ST3GAL4: variants seen among roughly 807,000 people sequenced by gnomAD.
ST3GAL4 encodes the protein ST3 beta-galactoside alpha-2,3-sialyltransferase 4, also known as CMP-N-acetylneuraminate-beta-galactosamide-alpha-2,3-sialyltransferase 4.
A neutral mutation model predicts 42.6 loss-of-function variants in ST3GAL4; 24 were observed. The ratio of observed to expected loss-of-function variants is 0.56; its 90% confidence interval spans 0.41 to 0.79. The LOEUF (loss-of-function observed/expected upper bound fraction) is 0.79. ST3GAL4 is among the 30% of genes least tolerant of loss of function. The pLI, the probability that ST3GAL4 is intolerant of heterozygous loss-of-function variation, is 0.00. For missense variants in ST3GAL4, 311 were observed against 430.8 expected (o/e 0.72, Z 2.46); for synonymous variants, 135 against 163.2 (o/e 0.83, Z 1.32).
intron 1 of ST3GAL4, chr11:126,405,812 G>C (rs1263770352): frequency 4.4e-6 from 2 of 453,572 alleles, no homozygotes; most frequent in African/African-American, 2.0e-5. Flanking sequence ...AACCACACCA[G>C]AGAGGCTGGA....
Position 126,409,383 on chromosome 11 carries a change from C to A in ST3GAL4, c.743C>A (p.Pro248Gln), listed in dbSNP as rs770982195. The change falls in exon 9 of 11, where the codon CCA becomes CAA. Residue 248 changes from proline (P) to glutamine (Q), a missense_variant. Transcript: ENST00000444328. This position sits in a 1 kb window ranked among gnomAD's most constrained non-coding sequence, Gnocchi z 4.9. Reference sequence around the variant, plus strand: ...GCAGCTGACAAACTGCTGAGCCTGCCAATGCAACAGCCACGGAAGATTAAG... The same window carrying A: ...GCAGCTGACAAACTGCTGAGCCTGCAAATGCAACAGCCACGGAAGATTAAG... ...EIAADKLLSL[P>Q]MQQPRKIKQK... is the part of the protein sequence containing the mutation. The A allele has an allele frequency of 1.9e-6, 3 of 1,614,220 alleles. No individual in the cohort carries two copies. In the South Asian group the frequency reaches 3.3e-5, roughly 18 times the overall value.
rs1272455159 is a variant in ST3GAL4 at position 126,373,672 on chromosome 11, G to GT, written c.-61+17830_-61+17831insT. On this transcript the variant is annotated intron_variant, in intron 1 of 10. Transcript: ENST00000444328. This position sits in a 1 kb window ranked among gnomAD's most constrained non-coding sequence, Gnocchi z 5.5. ...GGGTGGGAACAGAGAGACTTCTTTT[G>GT]CTGTAGGTGGAAGCCTGTCTGGCTC... Among the ~76,000 whole-genome samples, 1 of 152,114 alleles carries GT rather than the reference G, an allele frequency of 6.6e-6. No individual in the cohort carries two copies. The highest frequency in any genetic ancestry group is 1.5e-5 in the Non-Finnish European group (1 of 68,024).
rs542817637 is a variant in ST3GAL4, at chr11:126,393,903, G to T, written c.-60-12193G>T. On this transcript the variant is annotated intron_variant, in intron 1 of 10. Transcript: ENST00000444328. The surrounding 1 kb of genome is among the most constrained non-coding windows in gnomAD (Gnocchi z 5.9). ...AGCCAAAATCTTGGCATTTCAACATGGGATGAGCATAAAATAATGAAGGTG... is the reference window on the plus strand; with the variant it reads ...AGCCAAAATCTTGGCATTTCAACATTGGATGAGCATAAAATAATGAAGGTG... Among the ~76,000 whole-genome samples the T allele has an allele frequency of 6.6e-6, 1 of 152,360 alleles. No homozygotes were observed. Among genetic ancestry groups the T allele is most frequent in the Admixed American group, 6.5e-5 (1 of 15,310 alleles).
intron 1 of ST3GAL4, among the ~76,000 whole-genome samples, chr11:126,360,268 G>A (rs1200886318): frequency 6.6e-6 from 1 of 152,226 alleles, no homozygotes; most frequent in Non-Finnish European, 1.5e-5. Context: ...AGGGACTGAC[G>A]AGGGCAGAGG....
Position 126,378,312 on chromosome 11 carries a change from C to T in ST3GAL4, c.-61+22470C>T, listed in dbSNP as rs73021415. Among the ~76,000 whole-genome samples, 9,199 of 152,236 alleles carry T rather than the reference C, an allele frequency of 0.06. 401 individuals carry two copies. Among genetic ancestry groups the T allele is most frequent in the East Asian group, 0.2 (1,012 of 5,184 alleles). On this transcript the variant is annotated intron_variant, in intron 1 of 10. Coordinates refer to ENST00000444328, the MANE Select transcript of ST3GAL4 (RefSeq NM_001254757.2). This position sits in a 1 kb window ranked among gnomAD's most constrained non-coding sequence, Gnocchi z 5.3. ...CTCCGTCACATCTGCGTCTGCACAG[C>T]GCCACGTTGAATGGTTATGGTTTCA... is the stretch of plus-strand genomic sequence containing the variant.
rs963819514 is a variant in ST3GAL4 at position 126,363,646 on chromosome 11, G to A, written c.-61+7804G>A. Among the ~76,000 whole-genome samples the A allele has an allele frequency of 2.0e-5, 3 of 152,222 alleles. No homozygotes were observed. The highest frequency in any genetic ancestry group is 7.2e-5 in the African/African-American group (3 of 41,458). On this transcript the variant is annotated intron_variant, in intron 1 of 10. Transcript: ENST00000444328. The surrounding 1 kb of genome is among the most constrained non-coding windows in gnomAD (Gnocchi z 4.6). ...ACTCTTTGGACATCTTCCTGCAAAG[G>A]ACGGTGGGATCTTGTCTTTCTGGGG...
intron 1 of ST3GAL4, among the ~76,000 whole-genome samples, chr11:126,388,460 A>G (rs1198452198): frequency 6.6e-6 from 1 of 151,672 alleles, no homozygotes; most frequent in East Asian, 1.9e-4. Flanking sequence ...CCTCCTAAGT[A>G]GCTGGGATTA....
At chr11:126,371,550 C>T (rs1952647982) in intron 1 of ST3GAL4, among the ~76,000 whole-genome samples, 1 of 152,178 alleles carries the variant, frequency 6.6e-6, no homozygotes, top group Non-Finnish European at 1.5e-5. Flanking sequence ...TATCTATTTG[C>T]AACACTTTAA....
rs1365404042 is a variant in ST3GAL4, at chr11:126,366,584, C to CAG, written c.-61+10743_-61+10744dup. 1.3e-5 allele frequency among the ~76,000 whole-genome samples: 2 copies of CAG among 152,174 alleles called. No homozygotes were observed. Among genetic ancestry groups the CAG allele is most frequent in the East Asian group, 3.9e-4 (2 of 5,188 alleles). On this transcript the variant is annotated intron_variant, in intron 1 of 10. Coordinates refer to ENST00000444328, the MANE Select transcript of ST3GAL4 (RefSeq NM_001254757.2). The surrounding 1 kb of genome is among the most constrained non-coding windows in gnomAD (Gnocchi z 4.2). ...CCTGTTCCACTCTCCTTCCCGTGTG[C>CAG]AGGGCCCTCCCCTCTGGCGAGTCTG...
chr11:126,372,801 A>T lies in ST3GAL4; in HGVS notation c.-61+16959A>T, dbSNP rs563318723. ...TTCAGGCTGAATAATATTCCATTGT[A>T]CGCATAGATCACATTTTGTTCATTC... On this transcript the variant is annotated intron_variant, in intron 1 of 10. Transcript: ENST00000444328. Among the ~76,000 whole-genome samples, 4 of 152,328 alleles carry T rather than the reference A, an allele frequency of 2.6e-5. No homozygotes were observed. In the East Asian group the frequency reaches 7.7e-4, roughly 29 times the overall value.
chr11:126,371,778 G>A (rs1952659593), intron 1 of ST3GAL4, among the ~76,000 whole-genome samples: 1 of 152,208 alleles, frequency 6.6e-6, no homozygotes, highest in African/African-American at 2.4e-5. Context: ...GGGTTACTCG[G>A]GGCTGTGCCC....
intron 1 of ST3GAL4, among the ~76,000 whole-genome samples, chr11:126,371,354 G>A (rs1488732066): frequency 1.3e-5 from 2 of 151,510 alleles, no homozygotes; most frequent in African/African-American, 2.4e-5. Flanking sequence ...TAGTAGAGAC[G>A]GGGTTTCACC....
rs1385065412 is a variant in ST3GAL4 at position 126,373,328 on chromosome 11, G to C, written c.-61+17486G>C. ...TTGGGGTGGGTGCATTGCTTCTCCTGGGATGGAGGGGTGCCGGGGAGCCCC... is the reference window on the plus strand; with the variant it reads ...TTGGGGTGGGTGCATTGCTTCTCCTCGGATGGAGGGGTGCCGGGGAGCCCC... On this transcript the variant is annotated intron_variant, in intron 1 of 10. Coordinates refer to ENST00000444328, the MANE Select transcript of ST3GAL4 (RefSeq NM_001254757.2). This position sits in a 1 kb window ranked among gnomAD's most constrained non-coding sequence, Gnocchi z 5.5. Among the ~76,000 whole-genome samples the C allele has an allele frequency of 2.0e-5, 3 of 152,178 alleles. No homozygotes were observed. The highest frequency in any genetic ancestry group is 4.4e-5 in the Non-Finnish European group (3 of 68,032).
chr11:126,377,913 C>A (rs781469561), intron 1 of ST3GAL4, among the ~76,000 whole-genome samples: 68 of 152,204 alleles, frequency 4.5e-4, no homozygotes, highest in Admixed American at 1.1e-3. Flanking sequence ...TTCGAAGTGT[C>A]AATTAAACTT....
rs140840499 is a variant in ST3GAL4, at chr11:126,378,477, T to C, written c.-61+22635T>C. 1.1e-3 allele frequency among the ~76,000 whole-genome samples: 167 copies of C among 152,304 alleles called. 1 individual carries two copies. The highest frequency in any genetic ancestry group is 3.8e-3 in the African/African-American group (159 of 41,566). On this transcript the variant is annotated intron_variant, in intron 1 of 10. Coordinates refer to ENST00000444328, the MANE Select transcript of ST3GAL4 (RefSeq NM_001254757.2). This position sits in a 1 kb window ranked among gnomAD's most constrained non-coding sequence, Gnocchi z 5.3. ...CAGGCTGGAGTCAGTGGTGCAATCT[T>C]GGCTCACTGCAACCTCTGCTTCCCG...
intron 1 of ST3GAL4, among the ~76,000 whole-genome samples, chr11:126,361,237 G>A (rs1212131903): frequency 6.6e-6 from 1 of 152,232 alleles, no homozygotes; most frequent in East Asian, 1.9e-4. Context: ...GGGAGTGACA[G>A]CTTTGGAAGA....
intron 1 of ST3GAL4, chr11:126,403,164 G>A (rs1212580532): frequency 1.2e-5 from 2 of 160,034 alleles, no homozygotes; most frequent in Non-Finnish European, 2.7e-5. Flanking sequence ...AGGGGAGGGC[G>A]TGGCTCGTGA....
In ST3GAL4 at chr11:126,409,852, A is replaced by G. The variant is rs893556503; in HGVS notation, c.771+441A>G. 6.6e-6 allele frequency among the ~76,000 whole-genome samples: 1 copy of G among 152,116 alleles called. No individual in the cohort carries two copies. The highest frequency in any genetic ancestry group is 1.5e-5 in the Non-Finnish European group (1 of 68,018). On this transcript the variant is annotated intron_variant, in intron 9 of 10. Transcript: ENST00000444328. The surrounding 1 kb of genome is among the most constrained non-coding windows in gnomAD (Gnocchi z 4.9). ...TAAACAGTTTGTCTTGCATGTCATG[A>G]TTTGGTATGGTGTGTCAATTCAGGG...
chr11:126,406,423 TTGTACCTGCC>T lies in ST3GAL4; in HGVS notation c.17-46_17-37del. The T allele has an allele frequency of 4.3e-6, 7 of 1,613,232 alleles. No homozygotes were observed. Among genetic ancestry groups the T allele is most frequent in the Non-Finnish European group, 5.9e-6 (7 of 1,179,784 alleles). Reference sequence around the variant, plus strand: ...GGGCAGGTGGGAAGGTGGACGGGGGTTGTACCTGCCTGTTGCTGCCTCTAGCTCCTCTCTG... The same window carrying T: ...GGGCAGGTGGGAAGGTGGACGGGGGTTGTTGCTGCCTCTAGCTCCTCTCTG... On this transcript the variant is annotated intron_variant, in intron 2 of 10. Coordinates refer to ENST00000444328, the MANE Select transcript of ST3GAL4 (RefSeq NM_001254757.2). This position sits in a 1 kb window ranked among gnomAD's most constrained non-coding sequence, Gnocchi z 5.4.
Sources: allele counts gnomAD v4.1 joint callset (sites outside exome capture counted in the v4.1 genomes callset), GRCh38; gene constraint gnomAD v4.1.1; non-coding constraint Gnocchi (gnomAD v3.1); transcripts MANE v1.5; gene names NCBI Gene and HGNC (gene_info 2026-07-23, HGNC 2026-07-21).